PCDHA9: variants seen among roughly 807,000 people sequenced by gnomAD.
The protein encoded by PCDHA9 is protocadherin alpha-9.
Under a neutral mutation model 62.0 loss-of-function variants are expected in PCDHA9, and 62 were observed. That is an observed-to-expected ratio of 1.00 (90% CI 0.81 to 1.23). PCDHA9 has a LOEUF of 1.23. Among genes scored for constraint, PCDHA9 ranks in the 50% most tolerant of loss-of-function variants. The probability of loss-of-function intolerance (pLI) is 0.00; values close to 1 mark genes in which losing one functional copy is unlikely to be tolerated. For synonymous variants in PCDHA9, 557 were observed against 567.6 expected, an observed-to-expected ratio of 0.98 and a Z score of 0.27; for missense variants, 1,205 against 1,249.8, an observed-to-expected ratio of 0.96 and a Z score of 0.54.
chr5:140,955,284 T>C (rs1207930664), intron 1 of PCDHA9, among the ~76,000 whole-genome samples: 1 of 152,170 alleles, frequency 6.6e-6, no homozygotes, highest in African/African-American at 2.4e-5. Context: ...CATATTGATA[T>C]GGTTTGGCTG....
At position 140,849,621 on chromosome 5, in the gene PCDHA9, G is replaced by A. The variant is rs2150442688; in HGVS notation, c.1126G>A (p.Asp376Asn). ...GTVIALISVI[D>N]LDADANGQVT... is the part of the protein sequence containing the mutation. The stretch of plus-strand genomic sequence containing the variant: ...AGTTATTGCCCTGATTAGTGTGATC[G>A]ACCTAGACGCAGATGCCAACGGGCA... Residue 376 changes from aspartate (D) to asparagine (N), a missense_variant, in exon 1 of 4, where the codon GAC becomes AAC. Physicochemically the swap from Asp to Asn is conservative, Grantham distance 23. Transcript: ENST00000532602. The A allele has an allele frequency of 1.9e-6, 3 of 1,598,666 alleles. 1 individual carries two copies. The highest frequency in any genetic ancestry group is 2.2e-5 in the East Asian group (1 of 44,846).
At chr5:140,998,125 A>G (rs2097797565) in intron 3 of PCDHA9, among the ~76,000 whole-genome samples, 1 of 152,222 alleles carries the variant, frequency 6.6e-6, no homozygotes. Flanking sequence ...CTTGTGAATC[A>G]TAATAGCTAA....
Position 141,011,124 on chromosome 5 carries a change from G to A in PCDHA9, c.*1187G>A, listed in dbSNP as rs893951024. ...TCTCTCTTTTCTAAGAAACAATTAT[G>A]TGCACTTTGATACACAACCTTCTCT... On this transcript the variant is annotated 3_prime_UTR_variant, in exon 4 of 4. Transcript: ENST00000532602. 1 of 153,618 alleles carries A rather than the reference G, an allele frequency of 6.5e-6. No individual in the cohort carries two copies. The highest frequency in any genetic ancestry group is 2.4e-5 in the African/African-American group (1 of 41,382). 9.5% of individuals were successfully genotyped at this position (153,618 alleles called of 1,614,324 possible).
chr5:140,951,333 G>A (rs922078825), intron 1 of PCDHA9, among the ~76,000 whole-genome samples: 1 of 151,964 alleles, frequency 6.6e-6, no homozygotes, highest in African/African-American at 2.4e-5. Flanking sequence ...TCATCATTCT[G>A]TTTGTGTTAG....
chr5:140,985,289 T>C (rs2097145554), intron 3 of PCDHA9, among the ~76,000 whole-genome samples: 2 of 152,172 alleles, frequency 1.3e-5, no homozygotes, highest in African/African-American at 4.8e-5. Flanking sequence ...ATCTATGATA[T>C]AGTGTTGGCT....
chr5:140,887,242 G>A (rs1445154638), intron 1 of PCDHA9, among the ~76,000 whole-genome samples: 2 of 151,722 alleles, frequency 1.3e-5, no homozygotes, highest in African/African-American at 4.8e-5. Flanking sequence ...GACTACCGGC[G>A]CCCGCCACCA....
intron 2 of PCDHA9, among the ~76,000 whole-genome samples, chr5:140,981,825 T>G (rs941645731): frequency 2.0e-5 from 3 of 152,184 alleles, no homozygotes; most frequent in African/African-American, 7.2e-5. Context: ...TCTGCTTGCC[T>G]CTAAAGGTCT....
rs782005281 is a variant in PCDHA9, at chr5:140,850,423, C to T, written c.1928C>T (p.Pro643Leu). The T allele has an allele frequency of 2.5e-6, 4 of 1,597,882 alleles. No individual in the cohort carries two copies. Among genetic ancestry groups the T allele is most frequent in the South Asian group, 1.1e-5 (1 of 90,494 alleles). ...CGTGCCCTGGACGAAACGGACGCAC[C>T]GCGCCAGCGCCTACTGGTGCTGGTG... ...TTRALDETDA[P>L]RQRLLVLVKD... The change falls in exon 1 of 4, where the codon CCG becomes CTG. Residue 643 changes from proline to leucine, a missense_variant. Coordinates refer to ENST00000532602, the MANE Select transcript of PCDHA9 (RefSeq NM_031857.2).
intron 1 of PCDHA9, among the ~76,000 whole-genome samples, chr5:140,872,031 C>A (rs1383565952): frequency 6.6e-6 from 1 of 152,220 alleles, no homozygotes; most frequent in Non-Finnish European, 1.5e-5. Context: ...AACTGCTAAG[C>A]TCAAAGAATT....
At chr5:141,008,410 A>G (rs782459591) in intron 3 of PCDHA9, among the ~76,000 whole-genome samples, 33 of 152,184 alleles carry the variant, frequency 2.2e-4, no homozygotes, top group Non-Finnish European at 3.7e-4. Context: ...TTCCAATGTC[A>G]TGGCCACTGG....
At chr5:140,929,330 G>A (rs2086062257) in intron 1 of PCDHA9, 1 of 1,535,218 alleles carries the variant, frequency 6.5e-7, no homozygotes, top group Non-Finnish European at 8.8e-7. Flanking sequence ...GCCATGGTAA[G>A]CAAATTTTAT....
intron 1 of PCDHA9, among the ~76,000 whole-genome samples, chr5:140,907,775 G>T (rs1217508105): frequency 4.6e-5 from 7 of 152,178 alleles, no homozygotes; most frequent in African/African-American, 1.7e-4. Flanking sequence ...TGATGACAGG[G>T]GTGGCTGGGG....
chr5:140,926,827 C>G, intron 1 of PCDHA9: 1 of 1,500,674 alleles, frequency 6.7e-7, no homozygotes, highest in Non-Finnish European at 8.9e-7. Context: ...CTCCAGGAGT[C>G]CGGAGCATGG....
intron 1 of PCDHA9, chr5:140,882,822 G>A (rs782258212): frequency 6.2e-7 from 1 of 1,614,080 alleles, no homozygotes; most frequent in African/African-American, 1.3e-5. Flanking sequence ...GCACAAAACA[G>A]TCTTGAGCAA....
At chr5:140,946,868 T>C (rs1468330981) in intron 1 of PCDHA9, among the ~76,000 whole-genome samples, 1 of 151,412 alleles carries the variant, frequency 6.6e-6, no homozygotes, top group Admixed American at 6.6e-5. Context: ...GAGAGGTTGG[T>C]CAATGGGTAC....
intron 1 of PCDHA9, 73 bp from the exon 2 acceptor site, chr5:140,978,876 A>G: frequency 6.2e-7 from 1 of 1,609,510 alleles, no homozygotes; most frequent in Non-Finnish European, 8.5e-7. Flanking sequence ...GGGAGTAACT[A>G]ATCAATTAGC....
At chr5:140,965,838 T>C (rs1486782697) in intron 1 of PCDHA9, among the ~76,000 whole-genome samples, 5 of 152,204 alleles carry the variant, frequency 3.3e-5, no homozygotes, top group African/African-American at 1.2e-4. Flanking sequence ...ATATTGGTTA[T>C]TTGCCAAGGC....
chr5:140,853,543 A>G (rs2042787670), intron 1 of PCDHA9: 2 of 979,444 alleles, frequency 2.0e-6, no homozygotes, highest in Middle Eastern at 5.4e-4. Context: ...TTCAAGTTGT[A>G]ATTACTATAT....
chr5:140,895,920 C>T (rs1347672044), intron 1 of PCDHA9, among the ~76,000 whole-genome samples: 1 of 152,202 alleles, frequency 6.6e-6, no homozygotes, highest in African/African-American at 2.4e-5. Flanking sequence ...CAACAATTAT[C>T]CTGCCTCAGC....
Sources: gnomAD v4.1 joint callset for allele counts (sites outside exome capture counted in the v4.1 genomes callset) on GRCh38, gnomAD v4.1.1 for gene constraint, MANE v1.5 for transcripts, NCBI Gene and HGNC (gene_info 2026-07-23, HGNC 2026-07-21) for gene names.